The following KAZN variants were observed in gnomAD, a reference collection of about 807,000 sequenced individuals.
KAZN encodes kazrin, periplakin interacting protein.
KAZN carries 40 observed loss-of-function variants against 87.4 expected under a neutral mutation model. The ratio of observed to expected loss-of-function variants is 0.46; its 90% CI spans 0.36 to 0.60. The LOEUF (loss-of-function observed/expected upper bound fraction) is 0.60, where lower values mean the gene tolerates loss of function less well. Ranked by LOEUF, KAZN falls within the 20% of genes least tolerant of loss-of-function variation. The pLI is 0.00. For synonymous variants in KAZN, 466 were observed against 458.3 expected, an observed-to-expected ratio of 1.02 and a Z score of -0.22; for missense variants, 898 against 1,073.9, an observed-to-expected ratio of 0.84 and a Z score of 2.29.
At chr1:14,972,308 TG>T (rs1665142288) in intron 2 of KAZN, among the ~76,000 whole-genome samples, 1 of 152,102 alleles carries the variant, frequency 6.6e-6, no homozygotes, top group Non-Finnish European at 1.5e-5. Context: ...AGAAGACCTT[TG>T]GTGTGAGCAG....
intron 2 of KAZN, among the ~76,000 whole-genome samples, chr1:14,221,673 A>C (rs1194697978): frequency 2.6e-5 from 4 of 152,190 alleles, no homozygotes; most frequent in Non-Finnish European, 1.5e-5. Flanking sequence ...ACAAGGCTAT[A>C]ATCAACCACC....
At chr1:14,682,665 G>GA (rs200281727) in intron 1 of KAZN, among the ~76,000 whole-genome samples, 149 of 150,124 alleles carry the variant, frequency 9.9e-4, no homozygotes, top group African/African-American at 3.0e-3. Flanking sequence ...ATTTTTAATG[G>GA]AAAAAAAAAT....
At chr1:14,602,946 G>A (rs774091523) in intron 1 of KAZN, among the ~76,000 whole-genome samples, 5 of 152,116 alleles carry the variant, frequency 3.3e-5, no homozygotes, top group African/African-American at 4.8e-5. Flanking sequence ...GGCAAGGGTC[G>A]GTTTCCTGTA....
At chr1:15,019,293 G>T (rs59514918) in intron 2 of KAZN, among the ~76,000 whole-genome samples, 72 of 152,304 alleles carry the variant, frequency 4.7e-4, no homozygotes, top group Non-Finnish European at 9.3e-4. Flanking sequence ...ATTAAGAGCA[G>T]GGGGCTCAGA....
At chr1:14,831,625 T>A (rs1572598228) in intron 1 of KAZN, among the ~76,000 whole-genome samples, 1 of 152,298 alleles carries the variant, frequency 6.6e-6, no homozygotes, top group East Asian at 1.9e-4. Flanking sequence ...GTGCTCTCAA[T>A]CTGACAAGAA....
At chr1:14,260,465 C>T (rs955654863) in intron 2 of KAZN, among the ~76,000 whole-genome samples, 1 of 152,078 alleles carries the variant, frequency 6.6e-6, no homozygotes, top group African/African-American at 2.4e-5. Flanking sequence ...ATTTCGATGA[C>T]CCGCATGGCT....
At chr1:14,304,088 T>C (rs1654753125) in intron 2 of KAZN, among the ~76,000 whole-genome samples, 1 of 152,230 alleles carries the variant, frequency 6.6e-6, no homozygotes, top group African/African-American at 2.4e-5. Context: ...AAATCACAGC[T>C]TCCTCCTAAT....
At chr1:14,708,918 C>T (rs1184836899) in intron 1 of KAZN, among the ~76,000 whole-genome samples, 1 of 152,206 alleles carries the variant, frequency 6.6e-6, no homozygotes, top group African/African-American at 2.4e-5. Context: ...ATAAGCAAGT[C>T]CATGAGTGGT....
chr1:14,638,895 G>T (rs1354696008), intron 1 of KAZN, among the ~76,000 whole-genome samples: 1 of 152,070 alleles, frequency 6.6e-6, no homozygotes, highest in African/African-American at 2.4e-5. Flanking sequence ...ATCCTCAGCC[G>T]GCAGCCCATC....
At chr1:14,740,396 T>C (rs544522093) in intron 1 of KAZN, among the ~76,000 whole-genome samples, 1 of 152,300 alleles carries the variant, frequency 6.6e-6, no homozygotes, top group East Asian at 1.9e-4. Flanking sequence ...ATGCACAAAC[T>C]ATGATGCTTT....
chr1:14,519,108 G>A (rs1233288516), intron 2 of KAZN, among the ~76,000 whole-genome samples: 1 of 152,080 alleles, frequency 6.6e-6, no homozygotes, highest in Non-Finnish European at 1.5e-5. Context: ...GTCCCATTCA[G>A]CATGGACTGC....
chr1:14,583,097 G>A (rs906395406), intron 2 of KAZN, among the ~76,000 whole-genome samples: 28 of 152,076 alleles, frequency 1.8e-4, no homozygotes, highest in African/African-American at 6.0e-4. Context: ...AAACCTATGC[G>A]ACAGAAACTA....
chr1:14,925,963 T>G (rs1238407593), intron 1 of KAZN, among the ~76,000 whole-genome samples: 1 of 152,176 alleles, frequency 6.6e-6, no homozygotes, highest in African/African-American at 2.4e-5. Flanking sequence ...GAGACTCAAT[T>G]TACCCATCTG....
At chr1:15,053,089 A>G (rs1371624690) in intron 4 of KAZN, among the ~76,000 whole-genome samples, 1 of 152,182 alleles carries the variant, frequency 6.6e-6, no homozygotes, top group Non-Finnish European at 1.5e-5. Context: ...TTCCTGCATG[A>G]TGGCAGACCA....
In KAZN at chr1:14,544,350, C is replaced by CTTTTTTTTTTTTTTTTTTTTTT. The variant is rs374148415; in HGVS notation, c.250-54614_250-54613insTTTTTTTTTTTTTTTTTTTTTT. On this transcript the variant is annotated intron_variant, in intron 2 of 16. Transcript: ENST00000636203. ...TTTTTTTCTTTTTCTTTCTTTCTTT[C>CTTTTTTTTTTTTTTTTTTTTTT]TTTTTTTTTTTTTTTTTTTGGTCTT... 2.2e-3 allele frequency among the ~76,000 whole-genome samples: 213 copies of CTTTTTTTTTTTTTTTTTTTTTT among 98,122 alleles called. 1 individual carries two copies. The highest frequency in any genetic ancestry group is 2.3e-3 in the Non-Finnish European group (121 of 52,498). 64.4% of individuals were successfully genotyped at this position (98,122 alleles called of 152,430 possible).
chr1:14,465,323 C>T (rs1484317844), intron 2 of KAZN, among the ~76,000 whole-genome samples: 4 of 137,952 alleles, frequency 2.9e-5, no homozygotes, highest in Admixed American at 8.2e-5. Context: ...GGCGTGAACC[C>T]GGGAGGTGGA....
intron 1 of KAZN, among the ~76,000 whole-genome samples, chr1:14,099,334 CTTAA>C (rs1644198466): frequency 6.6e-6 from 1 of 152,062 alleles, no homozygotes; most frequent in Admixed American, 6.5e-5. Flanking sequence ...TAAGAGATGG[CTTAA>C]TTATTAATTT....
intron 2 of KAZN, among the ~76,000 whole-genome samples, chr1:14,420,425 C>T (rs575225551): frequency 6.6e-6 from 1 of 152,358 alleles, no homozygotes; most frequent in East Asian, 1.9e-4. Context: ...GCTGGCTTCA[C>T]CTAGTGGATT....
intron 2 of KAZN, among the ~76,000 whole-genome samples, chr1:14,578,640 A>T (rs558174444): frequency 6.6e-6 from 1 of 152,314 alleles, no homozygotes; most frequent in East Asian, 1.9e-4. Context: ...ATGTCAGCCA[A>T]AATTTAAAAA....
Sources: allele counts gnomAD v4.1 joint callset (sites outside exome capture counted in the v4.1 genomes callset), GRCh38; gene constraint gnomAD v4.1.1; transcripts MANE v1.5; gene names NCBI Gene and HGNC (gene_info 2026-07-23, HGNC 2026-07-21).